ARID1B: variants seen among roughly 807,000 people sequenced by gnomAD.
ARID1B encodes the protein AT-rich interactive domain-containing protein 1B.
Under a neutral mutation model 212.3 loss-of-function variants are expected in ARID1B, and 30 were observed. That is an observed-to-expected ratio of 0.14 (90% CI 0.11 to 0.19). The LOEUF (loss-of-function observed/expected upper bound fraction) is 0.19, where lower values mean the gene tolerates loss of function less well. Among genes scored for constraint, ARID1B ranks in the 10% least tolerant of loss-of-function variants. The probability of loss-of-function intolerance (pLI) is 1.00; values close to 1 mark genes in which losing one functional copy is unlikely to be tolerated. For missense variants in ARID1B, 2,891 were observed against 3,204.0 expected, an observed-to-expected ratio of 0.90 and a Z score of 2.36; for synonymous variants, 1,402 against 1,301.7, an observed-to-expected ratio of 1.08 and a Z score of -1.66.
intron 2 of ARID1B, among the ~76,000 whole-genome samples, chr6:156,848,209 C>G (rs556688821): frequency 6.6e-6 from 1 of 152,342 alleles, no homozygotes; most frequent in South Asian, 2.1e-4. Context: ...GCTCCTCAGC[C>G]TTCAGTTGTA....
intron 15 of ARID1B, chr6:157,194,824 T>C (rs1793607052): frequency 6.6e-6 from 1 of 152,172 alleles, no homozygotes; most frequent in Non-Finnish European, 1.5e-5. Context: ...CCTCATTTTA[T>C]AGACAAGAAA....
chr6:157,106,568 C>A (rs147516971), intron 5 of ARID1B, among the ~76,000 whole-genome samples: 2 of 152,330 alleles, frequency 1.3e-5, no homozygotes, highest in Admixed American at 1.3e-4. Context: ...CATACAGGAT[C>A]ATCTCTCTCC....
chr6:157,002,124 TAGAA>T (rs1778948185), intron 4 of ARID1B, among the ~76,000 whole-genome samples: 1 of 152,198 alleles, frequency 6.6e-6, no homozygotes, highest in Admixed American at 6.5e-5. Context: ...AACTAGAACT[TAGAA>T]AAGTTCCTCC....
chr6:156,923,355 G>C (rs1284005754), intron 3 of ARID1B, among the ~76,000 whole-genome samples: 1 of 152,206 alleles, frequency 6.6e-6, no homozygotes, highest in South Asian at 2.1e-4. Context: ...CCCATCCTCC[G>C]GTTGGGAATT....
intron 3 of ARID1B, among the ~76,000 whole-genome samples, chr6:156,934,887 G>A (rs1420541692): frequency 1.6e-5 from 2 of 121,898 alleles, no homozygotes; most frequent in Non-Finnish European, 3.3e-5. Flanking sequence ...ACTTGGTATG[G>A]TCTCATAATA....
At chr6:157,125,016 G>C (rs1242968945) in intron 6 of ARID1B, among the ~76,000 whole-genome samples, 2 of 152,196 alleles carry the variant, frequency 1.3e-5, no homozygotes, top group African/African-American at 2.4e-5. Context: ...AAGCAACCCA[G>C]GGGCTACAGG....
At chr6:157,144,759 G>A (rs992389300) in intron 7 of ARID1B, among the ~76,000 whole-genome samples, 1 of 152,206 alleles carries the variant, frequency 6.6e-6, no homozygotes, top group Non-Finnish European at 1.5e-5. Flanking sequence ...CGCCGAGACT[G>A]CGTGATGGGA....
chr6:157,076,205 A>G (rs889286846), intron 4 of ARID1B, among the ~76,000 whole-genome samples: 2 of 152,226 alleles, frequency 1.3e-5, no homozygotes, highest in Non-Finnish European at 2.9e-5. Context: ...ATATCAAAAT[A>G]ACCAAGTTTA....
intron 2 of ARID1B, among the ~76,000 whole-genome samples, chr6:156,897,264 C>CTTCTTATTATTATTATTA (rs71027320): frequency 0.012 from 977 of 83,534 alleles, 13 homozygotes; most frequent in Non-Finnish European, 0.017. Flanking sequence ...TCTTCTTCTT[C>CTTCTTATTATTATTATTA]TTATTATTAT....
chr6:156,980,390 A>G (rs1777532081), intron 4 of ARID1B, among the ~76,000 whole-genome samples: 1 of 152,036 alleles, frequency 6.6e-6, no homozygotes, highest in South Asian at 2.1e-4. Context: ...GGTTGAGGCA[A>G]GAGAATTGCC....
chr6:157,138,239 G>GGTTA (rs201954626), intron 7 of ARID1B, among the ~76,000 whole-genome samples: 1 of 151,192 alleles, frequency 6.6e-6, no homozygotes, highest in Non-Finnish European at 1.5e-5. Flanking sequence ...TTGGTTGGTT[G>GGTTA]GTTAGTTGGT....
At chr6:157,001,465 G>A (rs367661330) in intron 4 of ARID1B, among the ~76,000 whole-genome samples, 21 of 152,164 alleles carry the variant, frequency 1.4e-4, no homozygotes, top group African/African-American at 2.9e-4. Context: ...CATTTCGTCC[G>A]ACGTCTCCTT....
chr6:157,181,413 C>T (rs1041943304), intron 12 of ARID1B, among the ~76,000 whole-genome samples: 20 of 152,114 alleles, frequency 1.3e-4, no homozygotes, highest in Non-Finnish European at 2.2e-4. Context: ...ACCTCAGTTT[C>T]GTCATGTATA....
rs571536183 is a variant in ARID1B at position 156,859,270 on chromosome 6, C to A, written c.1986+29849C>A. 1.4e-4 allele frequency among the ~76,000 whole-genome samples: 21 copies of A among 152,194 alleles called. No individual in the cohort carries two copies. The South Asian group carries it at 3.3e-3, about 24-fold the overall frequency. ...CTGGGGCTACAGGTGCCCGCCACCA[C>A]GTGTATGGGACCACCGTTGTATATG... is the stretch of plus-strand genomic sequence containing the variant. On this transcript the variant is annotated intron_variant, in intron 2 of 19. Coordinates refer to ENST00000636930, the MANE Select transcript of ARID1B (RefSeq NM_001374828.1).
intron 4 of ARID1B, among the ~76,000 whole-genome samples, chr6:156,988,647 T>C (rs1273799382): frequency 6.6e-6 from 1 of 152,244 alleles, no homozygotes; most frequent in Non-Finnish European, 1.5e-5. Flanking sequence ...TGAATGCATG[T>C]GCAAGCTTAG....
intron 4 of ARID1B, among the ~76,000 whole-genome samples, chr6:157,061,124 C>G (rs1783316113): frequency 6.6e-6 from 1 of 152,092 alleles, no homozygotes; most frequent in Non-Finnish European, 1.5e-5. Context: ...TTTTTCCTGT[C>G]AAAGTTTAAT....
At chr6:157,168,133 CCTCT>C (rs1791462554) in intron 9 of ARID1B, 1 of 152,180 alleles carries the variant, frequency 6.6e-6, no homozygotes, top group Non-Finnish European at 1.5e-5. Flanking sequence ...TCCTTTCTGG[CCTCT>C]CTGTCTTTGA....
intron 6 of ARID1B, among the ~76,000 whole-genome samples, chr6:157,123,238 G>A (rs971270855): frequency 1.2e-5 from 1 of 83,536 alleles, no homozygotes; most frequent in African/African-American, 5.1e-5. Context: ...CCCGCCCCCC[G>A]CCCCCCCCCC....
chr6:157,012,391 T>G (rs1384171540), intron 4 of ARID1B, among the ~76,000 whole-genome samples: 1 of 152,244 alleles, frequency 6.6e-6, no homozygotes, highest in African/African-American at 2.4e-5. Flanking sequence ...AAGGCAGTTA[T>G]GAGGGCTCCA....
Sources: allele counts gnomAD v4.1 joint callset (sites outside exome capture counted in the v4.1 genomes callset), GRCh38; gene constraint gnomAD v4.1.1; transcripts MANE v1.5; gene names NCBI Gene and HGNC (gene_info 2026-07-23, HGNC 2026-07-21).